PTGES2: variants seen among roughly 807,000 people sequenced by gnomAD.
PTGES2 encodes prostaglandin E synthase 2, also known as GATE-binding factor 1.
PTGES2 carries 35 observed loss-of-function variants against 44.5 expected under a neutral mutation model. The observed-to-expected ratio is 0.79, with a 90% CI of 0.60 to 1.04. The LOEUF (loss-of-function observed/expected upper bound fraction) is 1.04. PTGES2 is among the 50% of genes least tolerant of loss of function. The pLI is 0.00. For missense variants in PTGES2, 517 were observed against 521.4 expected (o/e 0.99, Z 0.08); for synonymous variants, 221 against 227.5 (o/e 0.97, Z 0.26).
Position 128,123,580 on chromosome 9 carries a change from G to C in PTGES2, c.686+122C>G. 3 of 1,056,396 alleles carry C rather than the reference G, an allele frequency of 2.8e-6. No homozygotes were observed. Among genetic ancestry groups the C allele is most frequent in the Non-Finnish European group, 4.1e-6 (3 of 738,996 alleles). The allele number at this position is 1,056,396 out of a possible 1,614,324, so 65.4% of individuals were successfully genotyped here. A position where few individuals can be genotyped will look rare whatever the true frequency, so the allele number is the denominator to read the frequency against. On this transcript the variant is annotated intron_variant, in intron 4 of 6. Coordinates refer to ENST00000338961, the MANE Select transcript of PTGES2 (RefSeq NM_025072.7). The surrounding 1 kb of genome is among the most constrained non-coding windows in gnomAD (Gnocchi z 4.4). ...TCTCTACTGAAATCCGGCATGGCCC[G>C]GCCCCAGCCCCGCTGGTCTCCCATG... is the stretch of plus-strand genomic sequence containing the variant.
At chr9:128,121,941 A>C (rs1291541061) in intron 6 of PTGES2, among the ~76,000 whole-genome samples, 2 of 151,988 alleles carry the variant, frequency 1.3e-5, no homozygotes, top group African/African-American at 4.8e-5. Flanking sequence ...ACAACAACAA[A>C]AAAAAACAAA....
chr9:128,127,526 C>G lies in PTGES2; in HGVS notation c.192G>C (p.Leu64=), dbSNP rs752061665. The G allele has an allele frequency of 7.6e-5, 99 of 1,306,530 alleles. No individual in the cohort carries two copies. The highest frequency in any genetic ancestry group is 1.6e-5 in the Non-Finnish European group (16 of 1,027,450). 80.9% of individuals were successfully genotyped at this position (1,306,530 alleles called of 1,614,324 possible). Residue 64 remains leucine, a synonymous_variant, in exon 1 of 7, where the codon CTG becomes CTC. Transcript: ENST00000338961. Reference sequence around the variant, plus strand: ...ACAGCCCCAGGGCTCCCCCCAGGGCCAGCGCCGCAGCTCCCAGCAGCCGCG... The same window carrying G: ...ACAGCCCCAGGGCTCCCCCCAGGGCGAGCGCCGCAGCTCCCAGCAGCCGCG... ...GSPRLLGAAA[L]ALGGALGLYH...
rs572351346 is a variant in PTGES2 at position 128,125,502 on chromosome 9, C to T, written c.280-61G>A. 6.5e-6 allele frequency: 10 copies of T among 1,528,542 alleles called. No individual in the cohort carries two copies. The African/African-American group carries it at 1.2e-4, about 19-fold the overall frequency. 94.7% of individuals were successfully genotyped at this position (1,528,542 alleles called of 1,614,324 possible). On this transcript the variant is annotated intron_variant, in intron 1 of 6. Transcript: ENST00000338961. ...GCACCCCCAGGCCCAGGCCCTGCCC[C>T]CAAGGGTGTTTTCCAGAGGAGTCTT...
chr9:128,120,974 C>G lies in PTGES2; in HGVS notation c.*171G>C, dbSNP rs936443598. 1.2e-6 allele frequency: 1 copy of G among 848,346 alleles called. No individual in the cohort carries two copies. The highest frequency in any genetic ancestry group is 1.7e-5 in the African/African-American group (1 of 58,044). 52.6% of individuals were successfully genotyped at this position (848,346 alleles called of 1,614,324 possible). On this transcript the variant is annotated 3_prime_UTR_variant, in exon 7 of 7. Coordinates refer to ENST00000338961, the MANE Select transcript of PTGES2 (RefSeq NM_025072.7). ...GGGCTGGAACTCGTCCCTAACATCCCTGAGCCCCAGCAGGTGCCCTGTGTT... is the reference window on the plus strand; with the variant it reads ...GGGCTGGAACTCGTCCCTAACATCCGTGAGCCCCAGCAGGTGCCCTGTGTT...
At chr9:128,126,490 G>C (rs75591102) in intron 1 of PTGES2, among the ~76,000 whole-genome samples, 1 of 152,112 alleles carries the variant, frequency 6.6e-6, no homozygotes, top group Non-Finnish European at 1.5e-5. Flanking sequence ...GGGGAGAGAG[G>C]ATGATGAACG....
At chr9:128,125,171 C>A in intron 2 of PTGES2, 73 bp downstream of exon 2, 1 of 1,396,650 alleles carries the variant, frequency 7.2e-7, no homozygotes, top group South Asian at 1.3e-5. Flanking sequence ...GCTGCAGAGC[C>A]AGGCCAGGCT....
chr9:128,123,027 A>C lies in PTGES2; in HGVS notation c.794T>G (p.Val265Gly), dbSNP rs1441053632. ...CACGGCTCCGAACTTGCCCTCGCGG[A>C]CAATGTAGTCAAAGGACGCCAGAGC... Reference protein sequence around the residue: ...TEALASFDYIVREGKFGAVEG... With the variant: ...TEALASFDYIGREGKFGAVEG... Residue 265 changes from valine (V) to glycine (G), a missense_variant, in exon 5 of 7, where the codon GTC (valine) becomes GGC (glycine). Val to Gly is a moderately radical substitution (Grantham distance 109, BLOSUM62 -3). Transcript: ENST00000338961. The surrounding 1 kb of genome is among the most constrained non-coding windows in gnomAD (Gnocchi z 4.4). The C allele has an allele frequency of 1.9e-6, 3 of 1,613,852 alleles. No individual in the cohort carries two copies. The Admixed American group carries it at 5.0e-5, about 27-fold the overall frequency.
At chr9:128,122,696 G>A (rs771267863) in intron 5 of PTGES2, 27 of 626,768 alleles carry the variant, frequency 4.3e-5, no homozygotes, top group Non-Finnish European at 6.6e-5. Context: ...CAGAGGAGGC[G>A]CCAGTCAGGG....
At position 128,127,550 on chromosome 9, in the gene PTGES2, CGGGCTCCCCTTACGAGCTGCAGCCACG is replaced by C; in HGVS notation, c.141_167del (p.Val48_Pro56del). 1 of 1,289,198 alleles carries C rather than the reference CGGGCTCCCCTTACGAGCTGCAGCCACG, an allele frequency of 7.8e-7. No individual in the cohort carries two copies. Among genetic ancestry groups the C allele is most frequent in the Non-Finnish European group, 9.8e-7 (1 of 1,018,692 alleles). The allele number at this position is 1,289,198 out of a possible 1,614,324, so 79.9% of individuals were successfully genotyped here. A position where few individuals can be genotyped will look rare whatever the true frequency, so the allele number is the denominator to read the frequency against. On this transcript the variant is annotated inframe_deletion, in exon 1 of 7. Coordinates refer to ENST00000338961, the MANE Select transcript of PTGES2 (RefSeq NM_025072.7). ...CCAGCGCCGCAGCTCCCAGCAGCCG[CGGGCTCCCCTTACGAGCTGCAGCCACG>C]GGGCTCGGGCCGCCCGCCGCCCCCG...
Position 128,127,703 on chromosome 9 carries a change from C to G in PTGES2, c.15G>C (p.Ala5=). Residue 5 remains alanine (A), a synonymous_variant, in exon 1 of 7, where the codon GCG becomes GCC. Coordinates refer to ENST00000338961, the MANE Select transcript of PTGES2 (RefSeq NM_025072.7). Reference sequence around the variant, plus strand: ...CAGGCCACAGCGCCCGCACCACCCGCGCAGCCGGGTCCATGTTCGCTCCGC... The same window carrying G: ...CAGGCCACAGCGCCCGCACCACCCGGGCAGCCGGGTCCATGTTCGCTCCGC... MDPA[A]RVVRALWPGG... 7.8e-7 allele frequency: 1 copy of G among 1,282,700 alleles called. No individual in the cohort carries two copies. Among genetic ancestry groups the G allele is most frequent in the East Asian group, 3.2e-5 (1 of 31,724 alleles). 79.5% of individuals were successfully genotyped at this position (1,282,700 alleles called of 1,614,324 possible). A position where few individuals can be genotyped will look rare whatever the true frequency, so the allele number is the denominator to read the frequency against.
At position 128,126,366 on chromosome 9, in the gene PTGES2, G is replaced by A. The variant is rs73669643; in HGVS notation, c.280-925C>T. On this transcript the variant is annotated intron_variant, in intron 1 of 6. Transcript: ENST00000338961. ...CCACCACTTAGGGGGTCACCACTTG[G>A]GGGGGGCACCTTTCTACCTCTTCCT... is the stretch of plus-strand genomic sequence containing the variant. 7.6e-3 allele frequency among the ~76,000 whole-genome samples: 1,149 copies of A among 152,164 alleles called. 15 individuals carry two copies. Among genetic ancestry groups the A allele is most frequent in the East Asian group, 0.031 (158 of 5,174 alleles).
Position 128,123,785 on chromosome 9 carries a change from C to G in PTGES2, c.603G>C (p.Glu201Asp), listed in dbSNP as rs751763913. ...AMKAVNEQGK[E>D]VTEFGNKYWL... is the part of the protein sequence containing the mutation. ...AGTACTTATTGCCGAACTCGGTCAC[C>G]TCCTTGCCCTGCTCGTTCACAGCCT... The change falls in exon 4 of 7, where the codon GAG becomes GAC. Residue 201 changes from glutamate to aspartate, a missense_variant. Glu to Asp is a conservative substitution (Grantham distance 45). Coordinates refer to ENST00000338961, the MANE Select transcript of PTGES2 (RefSeq NM_025072.7). This position sits in a 1 kb window ranked among gnomAD's most constrained non-coding sequence, Gnocchi z 4.4. 5 of 1,614,172 alleles carry G rather than the reference C, an allele frequency of 3.1e-6. No homozygotes were observed. The South Asian group carries it at 5.5e-5, about 18-fold the overall frequency.
rs996843307 is a variant in PTGES2 at position 128,120,843 on chromosome 9, C to T, written c.*302G>A. ...AACCGTCCTGCTGTCCTGTCGAGGG[C>T]CCCCACCCACAGGATGTAGCCATGG... On this transcript the variant is annotated 3_prime_UTR_variant, in exon 7 of 7. Coordinates refer to ENST00000338961, the MANE Select transcript of PTGES2 (RefSeq NM_025072.7). The T allele has an allele frequency of 4.9e-6, 2 of 411,000 alleles. No homozygotes were observed. The highest frequency in any genetic ancestry group is 4.8e-5 in the East Asian group (1 of 21,052). 25.5% of individuals were successfully genotyped at this position (411,000 alleles called of 1,614,324 possible).
Position 128,123,573 on chromosome 9 carries a change from A to C in PTGES2, c.686+129T>G. On this transcript the variant is annotated intron_variant, in intron 4 of 6. Coordinates refer to ENST00000338961, the MANE Select transcript of PTGES2 (RefSeq NM_025072.7). This position sits in a 1 kb window ranked among gnomAD's most constrained non-coding sequence, Gnocchi z 4.4. ...AGGAAGGTCTCTACTGAAATCCGGC[A>C]TGGCCCGGCCCCAGCCCCGCTGGTC... The C allele has an allele frequency of 1.0e-6, 1 of 980,298 alleles. No individual in the cohort carries two copies. The highest frequency in any genetic ancestry group is 1.5e-6 in the Non-Finnish European group (1 of 676,370). The allele number at this position is 980,298 out of a possible 1,614,324, so 60.7% of individuals were successfully genotyped here.
intron 6 of PTGES2, among the ~76,000 whole-genome samples, chr9:128,121,495 C>T (rs1292834348): frequency 1.3e-5 from 2 of 148,720 alleles, no homozygotes; most frequent in African/African-American, 2.6e-5. Context: ...GCCACAGACC[C>T]TGCCCCCCAG....
rs1834549541 is a variant in PTGES2, at chr9:128,124,618, TAAC to T, written c.478-71_478-69del. 3.2e-5 allele frequency: 49 copies of T among 1,508,704 alleles called. No homozygotes were observed. In the South Asian group the frequency reaches 5.3e-4, roughly 16 times the overall value. 93.5% of individuals were successfully genotyped at this position (1,508,704 alleles called of 1,614,324 possible). A position where few individuals can be genotyped will look rare whatever the true frequency, so the allele number is the denominator to read the frequency against. ...CCGCTGGGAGTCACCAGGGGCTCTT[TAAC>T]AAGACACTCTGGGCATTGTTTATCC... On this transcript the variant is annotated intron_variant, in intron 2 of 6. Coordinates refer to ENST00000338961, the MANE Select transcript of PTGES2 (RefSeq NM_025072.7).
intron 6 of PTGES2, 37 bp from the exon 7 acceptor site, chr9:128,121,310 T>G (rs1159754724): frequency 6.3e-7 from 1 of 1,588,836 alleles, no homozygotes; most frequent in Non-Finnish European, 8.6e-7. Flanking sequence ...CATAGCTGGT[T>G]TGACAGGCAT....
intron 2 of PTGES2, chr9:128,124,779 C>T: frequency 2.3e-6 from 3 of 1,321,296 alleles, no homozygotes; most frequent in Non-Finnish European, 2.9e-6. Flanking sequence ...GCCCACTCAC[C>T]CATTTGGCCT....
intron 3 of PTGES2, 27 bp downstream of exon 3, chr9:128,124,465 C>T (rs1158571204): frequency 5.6e-6 from 9 of 1,610,552 alleles, no homozygotes; most frequent in Non-Finnish European, 7.6e-6. Flanking sequence ...AAAGCAATGG[C>T]CACCTGGTCT....
Sources: gnomAD v4.1 joint callset for allele counts (sites outside exome capture counted in the v4.1 genomes callset) on GRCh38, gnomAD v4.1.1 for gene constraint, Gnocchi (gnomAD v3.1) non-coding constraint, MANE v1.5 for transcripts, NCBI Gene and HGNC (gene_info 2026-07-23, HGNC 2026-07-21) for gene names.